PIKFYVE: variants seen among roughly 807,000 people sequenced by gnomAD.
PIKFYVE encodes the protein 1-phosphatidylinositol 3-phosphate 5-kinase.
PIKFYVE carries 122 observed loss-of-function variants against 257.9 expected under a neutral mutation model. That is an observed-to-expected ratio of 0.47 (90% CI 0.41 to 0.55). The LOEUF is 0.55. Ranked by LOEUF, PIKFYVE falls within the 20% of genes least tolerant of loss-of-function variation. The probability of loss-of-function intolerance (pLI) is 0.00; values close to 1 mark genes in which losing one functional copy is unlikely to be tolerated. For missense variants in PIKFYVE, 2,160 were observed against 2,536.6 expected (o/e 0.85, Z 3.19); for synonymous variants, 892 against 868.9 (o/e 1.03, Z -0.47).
intron 17 of PIKFYVE, 131 bp downstream of exon 17, chr2:208,320,490 C>T: frequency 5.9e-6 from 6 of 1,011,634 alleles, no homozygotes; most frequent in Non-Finnish European, 8.8e-6. Context: ...CTTACCAAAA[C>T]CTCTGTCACT....
At chr2:208,336,659 G>A (rs1204637775) in intron 27 of PIKFYVE, among the ~76,000 whole-genome samples, 179 bp from the exon 28 acceptor site, 1 of 151,380 alleles carries the variant, frequency 6.6e-6, no homozygotes. Flanking sequence ...ATCAACAAAT[G>A]CTCCTGGTTA....
At chr2:208,354,236 CTAA>C in intron 40 of PIKFYVE, 77 bp downstream of exon 40, 2 of 1,454,898 alleles carry the variant, frequency 1.4e-6, no homozygotes, top group Non-Finnish European at 9.3e-7. Flanking sequence ...TGAACCTGGT[CTAA>C]TAATAGCTTA....
At position 208,357,945 on chromosome 2, in the gene PIKFYVE, C is replaced by T. The variant is rs1164489805; in HGVS notation, c.*2640C>T. The T allele has an allele frequency of 6.6e-6, 1 of 151,906 alleles. No individual in the cohort carries two copies. Among genetic ancestry groups the T allele is most frequent in the Non-Finnish European group, 1.5e-5 (1 of 68,002 alleles). The allele number at this position is 151,906 out of a possible 1,614,324, so 9.4% of individuals were successfully genotyped here. On this transcript the variant is annotated 3_prime_UTR_variant, in exon 42 of 42. Coordinates refer to ENST00000264380, the MANE Select transcript of PIKFYVE (RefSeq NM_015040.4). Reference sequence around the variant, plus strand: ...TTATAAATGTGAAGCTTTTTGATGCCATCAAAACTTATTAAAAAATAGGAT... The same window carrying T: ...TTATAAATGTGAAGCTTTTTGATGCTATCAAAACTTATTAAAAAATAGGAT...
intron 9 of PIKFYVE, among the ~76,000 whole-genome samples, chr2:208,301,544 G>T (rs908796996): frequency 2.6e-5 from 4 of 152,090 alleles, no homozygotes; most frequent in Admixed American, 1.3e-4. Flanking sequence ...GTATCCCCTA[G>T]CTTTTACTAT....
chr2:208,290,355 A>T (rs550263799), intron 7 of PIKFYVE, among the ~76,000 whole-genome samples: 3 of 152,208 alleles, frequency 2.0e-5, no homozygotes, highest in Admixed American at 2.0e-4. Context: ...CCAGAATGCC[A>T]TATAGTTGGA....
At position 208,304,918 on chromosome 2, in the gene PIKFYVE, C is replaced by G; in HGVS notation, c.1541C>G (p.Ser514Cys). The change falls in exon 12 of 42, where the codon TCT becomes TGT. Residue 514 changes from serine to cysteine, a missense_variant. Ser to Cys is a moderately radical substitution (Grantham distance 112). Around this residue, in one of 12 missense-constraint regions of PIKFYVE, gnomAD observed 346 missense variants for 365.6 expected, o/e 0.95. Coordinates refer to ENST00000264380, the MANE Select transcript of PIKFYVE (RefSeq NM_015040.4). ...QSTVDSDSAA[S>C]ISLNVELDNV... ...ACAGTGGACAGTGACTCAGCCGCTT[C>G]TATCAGCCTGAACGTGGAGCTGGAC... The G allele has an allele frequency of 6.2e-7, 1 of 1,614,152 alleles. No homozygotes were observed. Among genetic ancestry groups the G allele is most frequent in the Non-Finnish European group, 8.5e-7 (1 of 1,180,018 alleles).
At chr2:208,340,163 A>T in intron 31 of PIKFYVE, 32 bp downstream of exon 31, 1 of 1,611,764 alleles carries the variant, frequency 6.2e-7, no homozygotes, top group Non-Finnish European at 8.5e-7. Flanking sequence ...GGCTCTTAGC[A>T]GGGGGGTTAT....
intron 6 of PIKFYVE, among the ~76,000 whole-genome samples, chr2:208,287,751 C>T (rs2125172954): frequency 6.6e-6 from 1 of 152,042 alleles, no homozygotes; most frequent in African/African-American, 2.4e-5. Context: ...CAGGTGTGTG[C>T]CACCATGCCC....
At chr2:208,294,411 G>C (rs1409451869) in intron 7 of PIKFYVE, among the ~76,000 whole-genome samples, 7 of 152,156 alleles carry the variant, frequency 4.6e-5, no homozygotes, top group Middle Eastern at 3.4e-3. Context: ...AGCCTGTTTC[G>C]GATGCTTGTT....
At position 208,304,897 on chromosome 2, in the gene PIKFYVE, T is replaced by G; in HGVS notation, c.1520T>G (p.Val507Gly). 2 of 1,614,150 alleles carry G rather than the reference T, an allele frequency of 1.2e-6. No homozygotes were observed. The highest frequency in any genetic ancestry group is 1.3e-5 in the African/African-American group (1 of 75,046). Residue 507 changes from valine to glycine, a missense_variant, in exon 12 of 42, where the codon GTG (valine) becomes GGG (glycine). Val to Gly is a moderately radical substitution (Grantham distance 109). Coordinates refer to ENST00000264380, the MANE Select transcript of PIKFYVE (RefSeq NM_015040.4). ...RTSVSSFQST[V>G]DSDSAASISL... ...TCAGTCAGCAGTTTCCAGTCCACAG[T>G]GGACAGTGACTCAGCCGCTTCTATC...
chr2:208,308,857 G>C (rs1694650438), intron 12 of PIKFYVE, among the ~76,000 whole-genome samples: 1 of 151,996 alleles, frequency 6.6e-6, no homozygotes, highest in African/African-American at 2.4e-5. Flanking sequence ...ACAGGCTCCT[G>C]CCACCATGCC....
intron 24 of PIKFYVE, among the ~76,000 whole-genome samples, chr2:208,333,828 A>G (rs1274119589): frequency 2.0e-5 from 3 of 152,274 alleles, no homozygotes; most frequent in Admixed American, 1.3e-4. Flanking sequence ...TTTTAGAAAA[A>G]TATGAGACAG....
At position 208,339,550 on chromosome 2, in the gene PIKFYVE, C is replaced by G; in HGVS notation, c.4805C>G (p.Ser1602Cys). Residue 1602 changes from serine (S) to cysteine (C), a missense_variant, in exon 30 of 42, where the codon TCC becomes TGC. This residue lies in a region of PIKFYVE where 699 missense variants were observed against 855.8 expected (regional missense o/e 0.82). Transcript: ENST00000264380. ...CCTGAGCTAGATACAGCCAGCAGTT[C>G]CGAAGGTAGAGGTTAAGTCACTTTT... ...GPPELDTASS[S>C]EDVFDGHLLG... 5 of 1,614,062 alleles carry G rather than the reference C, an allele frequency of 3.1e-6. No homozygotes were observed. The highest frequency in any genetic ancestry group is 4.2e-6 in the Non-Finnish European group (5 of 1,180,002).
intron 11 of PIKFYVE, 43 bp from the exon 12 acceptor site, chr2:208,304,803 C>T (rs774473905): frequency 7.6e-6 from 12 of 1,581,362 alleles, no homozygotes; most frequent in Non-Finnish European, 1.0e-5. Context: ...ATTTTTACTC[C>T]CCTCCTCTCC....
intron 23 of PIKFYVE, among the ~76,000 whole-genome samples, chr2:208,331,680 T>C (rs1241702399): frequency 6.6e-6 from 1 of 152,232 alleles, no homozygotes; most frequent in East Asian, 1.9e-4. Flanking sequence ...CTGGCCTTAA[T>C]TGGGTTATTT....
intron 5 of PIKFYVE, among the ~76,000 whole-genome samples, chr2:208,284,398 T>C (rs1691264726): frequency 6.6e-6 from 1 of 151,960 alleles, no homozygotes; most frequent in African/African-American, 2.4e-5. Flanking sequence ...GTAGCTGGGA[T>C]TACAGGCACC....
chr2:208,345,252 G>A, intron 33 of PIKFYVE, 58 bp downstream of exon 33: 1 of 1,377,034 alleles, frequency 7.3e-7, no homozygotes, highest in Middle Eastern at 1.8e-4. Context: ...TTTTCTATAT[G>A]CTTGTACTTC....
chr2:208,329,988 G>T, intron 22 of PIKFYVE, 75 bp downstream of exon 22: 2 of 1,563,436 alleles, frequency 1.3e-6, no homozygotes, highest in South Asian at 1.1e-5. Flanking sequence ...ACGTAAACAT[G>T]AGTCGGATGT....
At chr2:208,310,936 AT>A (rs1420380570) in intron 12 of PIKFYVE, among the ~76,000 whole-genome samples, 5 of 152,150 alleles carry the variant, frequency 3.3e-5, no homozygotes, top group African/African-American at 4.8e-5. Flanking sequence ...TATGTAAATA[AT>A]TTTGTGGCTA....
Sources: gnomAD v4.1 joint callset for allele counts (sites outside exome capture counted in the v4.1 genomes callset) on GRCh38, gnomAD v4.1.1 for gene constraint, gnomAD v4.1.1 regional missense constraint, MANE v1.5 for transcripts, NCBI Gene and HGNC (gene_info 2026-07-23, HGNC 2026-07-21) for gene names.